The following XPO4 variants were observed in gnomAD, a reference collection of about 807,000 sequenced individuals.
The protein encoded by XPO4 is exportin 4, also known as exportin-4.
XPO4 carries 39 observed loss-of-function variants against 143.0 expected under a neutral mutation model. The observed-to-expected ratio is 0.27, with a 90% CI of 0.21 to 0.36. The LOEUF (loss-of-function observed/expected upper bound fraction) is 0.36. XPO4 is among the 10% of genes least tolerant of loss of function. The probability of loss-of-function intolerance (pLI) is 1.00; values close to 1 mark genes in which losing one functional copy is unlikely to be tolerated. For missense variants in XPO4, 907 were observed against 1,348.0 expected, an observed-to-expected ratio of 0.67 and a Z score of 5.12; for synonymous variants, 439 against 474.0, an observed-to-expected ratio of 0.93 and a Z score of 0.96.
intron 1 of XPO4, among the ~76,000 whole-genome samples, chr13:20,890,590 G>C (rs1051404884): frequency 6.6e-6 from 1 of 151,970 alleles, no homozygotes; most frequent in African/African-American, 2.4e-5. Flanking sequence ...CTTGAGCTCA[G>C]GAGTTCAAGA....
rs536355454 is a variant in XPO4 at position 20,793,857 on chromosome 13, C to A, written c.2797+2219G>T. Among the ~76,000 whole-genome samples, 164 of 152,244 alleles carry A rather than the reference C, an allele frequency of 1.1e-3. 1 individual carries two copies. The highest frequency in any genetic ancestry group is 1.9e-3 in the Non-Finnish European group (128 of 68,018). ...ATTGTTGGTACAAGTCCTACTGGGTCCAGGGCAAGTCGTACAGAAATTATG... is the reference window on the plus strand; with the variant it reads ...ATTGTTGGTACAAGTCCTACTGGGTACAGGGCAAGTCGTACAGAAATTATG... On this transcript the variant is annotated intron_variant, in intron 18 of 22. Coordinates refer to ENST00000255305, the MANE Select transcript of XPO4 (RefSeq NM_022459.5).
chr13:20,894,210 T>C (rs1234032091), intron 1 of XPO4, among the ~76,000 whole-genome samples: 5 of 152,192 alleles, frequency 3.3e-5, no homozygotes, highest in Non-Finnish European at 5.9e-5. Context: ...AAAACCCTTC[T>C]CTAAAATATT....
At chr13:20,856,191 G>A (rs901213484) in intron 3 of XPO4, 2 of 335,170 alleles carry the variant, frequency 6.0e-6, no homozygotes, top group African/African-American at 2.2e-5. Flanking sequence ...CTAGTCTGGA[G>A]ATAAATTCTG....
At chr13:20,823,683 C>T (rs1158651098) in intron 7 of XPO4, among the ~76,000 whole-genome samples, 1 of 151,692 alleles carries the variant, frequency 6.6e-6, no homozygotes, top group Non-Finnish European at 1.5e-5. Context: ...CAGAGTTTCA[C>T]TCTTGTTGCC....
chr13:20,850,830 C>T lies in XPO4; in HGVS notation c.456+4797G>A, dbSNP rs957581225. 109 of 985,404 alleles carry T rather than the reference C, an allele frequency of 1.1e-4. No homozygotes were observed. In the African/African-American group the frequency reaches 1.8e-3, roughly 17 times the overall value. 61.0% of individuals were successfully genotyped at this position (985,404 alleles called of 1,614,324 possible). On this transcript the variant is annotated intron_variant, in intron 4 of 22. Transcript: ENST00000255305. ...AAGCGAAGGGGGAAAAGCCAGACTA[C>T]ATACAGTTTCTGGCCAATGAAGGTT...
intron 1 of XPO4, among the ~76,000 whole-genome samples, chr13:20,876,988 T>C (rs2060359517): frequency 6.6e-6 from 1 of 152,194 alleles, no homozygotes; most frequent in South Asian, 2.1e-4. Flanking sequence ...TACAGAGTGC[T>C]GATTGGTGCA....
chr13:20,809,399 C>G (rs1198122399), intron 10 of XPO4, among the ~76,000 whole-genome samples, 174 bp from the exon 11 acceptor site: 1 of 151,978 alleles, frequency 6.6e-6, no homozygotes, highest in Non-Finnish European at 1.5e-5. Flanking sequence ...ATGCTGACAG[C>G]CGTGGTAGTT....
intron 1 of XPO4, among the ~76,000 whole-genome samples, chr13:20,884,954 GTTT>G (rs980199245): frequency 6.6e-6 from 1 of 151,672 alleles, no homozygotes; most frequent in African/African-American, 2.4e-5. Context: ...TTTTTGGTTT[GTTT>G]TTTTGTTTGT....
At chr13:20,807,778 C>CA (rs1366832505) in intron 12 of XPO4, 144 bp from the exon 13 acceptor site, 82 of 661,698 alleles carry the variant, frequency 1.2e-4, no homozygotes, top group South Asian at 2.3e-4. Flanking sequence ...CAAGTTTATG[C>CA]AAAAAAAACT....
chr13:20,902,598 A>C (rs2060632426), intron 1 of XPO4, 72 bp downstream of exon 1: 1 of 1,447,998 alleles, frequency 6.9e-7, no homozygotes, highest in African/African-American at 1.5e-5. Context: ...CCCAGCGAGC[A>C]GCAAGGCCTG....
At position 20,807,976 on chromosome 13, in the gene XPO4, A is replaced by G. The variant is rs2059529086; in HGVS notation, c.1640-342T>C. Reference sequence around the variant, plus strand: ...GTCAATATTAGGGAATTCATTTTCAAAAGTCAAGATTTTTTGCTTATTATT... The same window carrying G: ...GTCAATATTAGGGAATTCATTTTCAGAAGTCAAGATTTTTTGCTTATTATT... On this transcript the variant is annotated intron_variant, in intron 12 of 22. Coordinates refer to ENST00000255305, the MANE Select transcript of XPO4 (RefSeq NM_022459.5). Among the ~76,000 whole-genome samples, 3 of 152,152 alleles carry G rather than the reference A, an allele frequency of 2.0e-5. No individual in the cohort carries two copies. The South Asian group carries it at 6.2e-4, about 31-fold the overall frequency.
intron 6 of XPO4, among the ~76,000 whole-genome samples, chr13:20,841,720 CA>C (rs1024706589): frequency 1.3e-5 from 2 of 151,904 alleles, no homozygotes; most frequent in African/African-American, 4.8e-5. Flanking sequence ...AGTTATACCC[CA>C]CCACACTCCT....
chr13:20,856,329 A>T (rs779064912), intron 3 of XPO4: 118 of 985,184 alleles, frequency 1.2e-4, no homozygotes, highest in Admixed American at 4.3e-4. Flanking sequence ...ACACACACAC[A>T]AACATTCAAA....
Position 20,855,213 on chromosome 13 carries a change from CG to C in XPO4, c.456+413del, listed in dbSNP as rs560974564. Among the ~76,000 whole-genome samples the C allele has an allele frequency of 9.9e-5, 15 of 152,140 alleles. 1 individual carries two copies. In the South Asian group the frequency reaches 3.1e-3, roughly 32 times the overall value. On this transcript the variant is annotated intron_variant, in intron 4 of 22. Coordinates refer to ENST00000255305, the MANE Select transcript of XPO4 (RefSeq NM_022459.5). ...GCTCACACCTGTAATACCAGCACTT[CG>C]GGAGGCAGAAGCAGGCGGATCACCT...
chr13:20,822,709 A>C (rs1417585024), intron 7 of XPO4, among the ~76,000 whole-genome samples: 1 of 152,240 alleles, frequency 6.6e-6, no homozygotes, highest in Non-Finnish European at 1.5e-5. Context: ...TAGTGGAAGT[A>C]AACAGTTGTG....
intron 3 of XPO4, among the ~76,000 whole-genome samples, chr13:20,862,372 A>C (rs2060209742): frequency 6.6e-6 from 1 of 151,976 alleles, no homozygotes; most frequent in African/African-American, 2.4e-5. Flanking sequence ...CAAAAGCTTA[A>C]ATAAAAGGTA....
intron 6 of XPO4, 59 bp downstream of exon 6, chr13:20,842,836 G>A (rs2059989430): frequency 6.7e-7 from 1 of 1,491,786 alleles, no homozygotes; most frequent in Non-Finnish European, 9.1e-7. Flanking sequence ...ACTCCGAGCT[G>A]TAATTAAGTC....
At chr13:20,839,775 G>A (rs992932706) in intron 6 of XPO4, among the ~76,000 whole-genome samples, 3 of 152,180 alleles carry the variant, frequency 2.0e-5, no homozygotes, top group Non-Finnish European at 4.4e-5. Flanking sequence ...CCTGAGGTCA[G>A]GAGTTCAAGA....
intron 16 of XPO4, 123 bp downstream of exon 16, chr13:20,799,042 A>T: frequency 9.9e-7 from 1 of 1,014,224 alleles, no homozygotes; most frequent in Non-Finnish European, 1.4e-6. Context: ...AAAAAGAAAG[A>T]AAGAAAGAAA....
Sources: gnomAD v4.1 joint callset for allele counts (sites outside exome capture counted in the v4.1 genomes callset) on GRCh38, gnomAD v4.1.1 for gene constraint, MANE v1.5 for transcripts, NCBI Gene and HGNC (gene_info 2026-07-23, HGNC 2026-07-21) for gene names.